SRRM1: variants seen among roughly 807,000 people sequenced by gnomAD.
The protein encoded by SRRM1 is serine and arginine repetitive matrix 1.
Under a neutral mutation model 110.2 loss-of-function variants are expected in SRRM1, and 19 were observed. That is an observed-to-expected ratio of 0.17 (90% CI 0.12 to 0.25). The LOEUF (loss-of-function observed/expected upper bound fraction) is 0.25, where lower values mean the gene tolerates loss of function less well. SRRM1 is among the 10% of genes least tolerant of loss of function. The pLI is 1.00. For missense variants in SRRM1, 918 were observed against 1,145.8 expected, an observed-to-expected ratio of 0.80 and a Z score of 2.87; for synonymous variants, 443 against 414.9, an observed-to-expected ratio of 1.07 and a Z score of -0.82.
intron 15 of SRRM1, 52 bp from the exon 16 acceptor site, chr1:24,671,334 A>C: frequency 1.3e-6 from 2 of 1,488,210 alleles, no homozygotes; most frequent in South Asian, 2.5e-5. Context: ...GTTGGACAGA[A>C]TATTAATCAG....
chr1:24,663,129 T>G, intron 12 of SRRM1: 1 of 1,454,104 alleles, frequency 6.9e-7, no homozygotes, highest in Non-Finnish European at 9.3e-7. Context: ...TCCACCCAAG[T>G]AAATAATTTA....
At chr1:24,663,041 A>C in intron 12 of SRRM1, 1 of 968,740 alleles carries the variant, frequency 1.0e-6, no homozygotes, top group Middle Eastern at 2.5e-4. Context: ...CATGATTAGA[A>C]AAATAAACCA....
At chr1:24,656,110 C>G (rs907384910) in intron 9 of SRRM1, among the ~76,000 whole-genome samples, 1 of 152,072 alleles carries the variant, frequency 6.6e-6, no homozygotes, top group Non-Finnish European at 1.5e-5. Context: ...AGGTTAGAAA[C>G]AAAGAAATGG....
intron 1 of SRRM1, among the ~76,000 whole-genome samples, chr1:24,644,226 C>T (rs1386477088): frequency 6.6e-6 from 1 of 152,156 alleles, no homozygotes; most frequent in Non-Finnish European, 1.5e-5. Context: ...CACACTTTAT[C>T]AGGCTCGTGC....
chr1:24,668,033 C>G (rs1449563995), intron 13 of SRRM1, among the ~76,000 whole-genome samples: 3 of 128,188 alleles, frequency 2.3e-5, no homozygotes, highest in Non-Finnish European at 4.6e-5. Flanking sequence ...AGTGCAGTGG[C>G]CGATCTCAGC....
chr1:24,662,912 T>A, intron 12 of SRRM1, 108 bp downstream of exon 12: 2 of 1,445,332 alleles, frequency 1.4e-6, no homozygotes, highest in East Asian at 4.6e-5. Flanking sequence ...TATTTGGATG[T>A]GGTTGGATTT....
Position 24,669,356 on chromosome 1 carries a change from C to G in SRRM1, c.1973C>G (p.Ser658Cys). 1 of 1,614,182 alleles carries G rather than the reference C, an allele frequency of 6.2e-7. No homozygotes were observed. The highest frequency in any genetic ancestry group is 8.5e-7 in the Non-Finnish European group (1 of 1,180,042). ...VTKRRSPSLS[S>C]KHRKGSSPSR... ...AAGAGACGTTCACCTTCATTATCAT[C>G]CAAGCATAGGAAAGGGTCTTCCCCA... The change falls in exon 14 of 17, where the codon TCC becomes TGC. Residue 658 changes from serine to cysteine, a missense_variant. Transcript: ENST00000323848.
intron 15 of SRRM1, among the ~76,000 whole-genome samples, chr1:24,671,010 A>AT (rs1272752661): frequency 6.6e-6 from 1 of 152,226 alleles, no homozygotes; most frequent in Non-Finnish European, 1.5e-5. Context: ...GGTACCATTT[A>AT]TTAAAAGTCT....
Position 24,652,493 on chromosome 1 carries a change from A to C in SRRM1, c.785A>C (p.Glu262Ala). 1.2e-6 allele frequency: 2 copies of C among 1,611,316 alleles called. No individual in the cohort carries two copies. Among genetic ancestry groups the C allele is most frequent in the Non-Finnish European group, 1.7e-6 (2 of 1,178,816 alleles). ...CCAGAGCCTAAAGAACCTTCTCCGG[A>C]AAAAAATTCCAAAAAAGAAAAGGAG... ...PIPEPKEPSP[E>A]KNSKKEKEKE... The change falls in exon 7 of 17, where the codon GAA (glutamate) becomes GCA (alanine). Residue 262 changes from glutamate to alanine, a missense_variant. By Grantham distance (107) the Glu-to-Ala change is moderately radical (BLOSUM62 -1). Transcript: ENST00000323848.
chr1:24,653,592 T>C (rs961854755), intron 8 of SRRM1, among the ~76,000 whole-genome samples: 1 of 152,210 alleles, frequency 6.6e-6, no homozygotes, highest in African/African-American at 2.4e-5. Flanking sequence ...ATTACTAGTT[T>C]AGTGTCTGGT....
At chr1:24,670,094 C>G in intron 14 of SRRM1, 26 bp from the exon 15 acceptor site, 1 of 1,532,338 alleles carries the variant, frequency 6.5e-7, no homozygotes, top group Non-Finnish European at 8.8e-7. Flanking sequence ...GTTCTCAATG[C>G]TGAATGTTTT....
In SRRM1 at chr1:24,655,011, C is replaced by G. The variant is rs1663186664; in HGVS notation, c.1197C>G (p.His399Gln). ...CAGCAAGTCCTCCAAGGCGAAGGCACAGGCCATCACCTCCTGCAACTCCAC... is the reference window on the plus strand; with the variant it reads ...CAGCAAGTCCTCCAAGGCGAAGGCAGAGGCCATCACCTCCTGCAACTCCAC... ...SPSASPPRRR[H>Q]RPSPPATPPP... The change falls in exon 9 of 17, where the codon CAC becomes CAG. Residue 399 changes from histidine (H) to glutamine (Q), a missense_variant. His to Gln is a conservative substitution (Grantham distance 24). Coordinates refer to ENST00000323848, the MANE Select transcript of SRRM1 (RefSeq NM_005839.4). The G allele has an allele frequency of 1.2e-6, 2 of 1,614,232 alleles. No individual in the cohort carries two copies. The highest frequency in any genetic ancestry group is 1.7e-6 in the Non-Finnish European group (2 of 1,180,038).
At chr1:24,654,389 T>A in intron 8 of SRRM1, 1 of 1,272,814 alleles carries the variant, frequency 7.9e-7, no homozygotes, top group Non-Finnish European at 1.0e-6. Context: ...TGCCGCAGAA[T>A]TCGAGAGGCC....
At chr1:24,671,982 A>G (rs947667211) in intron 16 of SRRM1, among the ~76,000 whole-genome samples, 200 bp from the exon 17 acceptor site, 4 of 151,612 alleles carry the variant, frequency 2.6e-5, no homozygotes, top group African/African-American at 9.7e-5. Context: ...CAGGTTTGTT[A>G]CATATGTATA....
chr1:24,648,819 T>A (rs1198943227), intron 3 of SRRM1, 40 bp from the exon 4 acceptor site: 1 of 1,595,622 alleles, frequency 6.3e-7, no homozygotes, highest in Non-Finnish European at 8.5e-7. Context: ...TGGTTGGTTT[T>A]GAAGTAACCT....
chr1:24,643,398 G>T (rs369890561), intron 1 of SRRM1, 51 bp downstream of exon 1: 21 of 1,503,584 alleles, frequency 1.4e-5, no homozygotes, highest in African/African-American at 2.9e-5. Context: ...TCTCGGTAAG[G>T]CCTGGTAGGA....
intron 1 of SRRM1, 153 bp downstream of exon 1, chr1:24,643,500 C>A: frequency 3.4e-6 from 2 of 593,654 alleles, no homozygotes; most frequent in Non-Finnish European, 5.3e-6. Context: ...CCCCCCCGTG[C>A]GCTGCGGCGG....
chr1:24,643,660 T>G, intron 1 of SRRM1: 1 of 367,444 alleles, frequency 2.7e-6, no homozygotes, highest in Non-Finnish European at 4.9e-6. Context: ...GCGCCGTGCG[T>G]GCCGCCGGGT....
At position 24,670,122 on chromosome 1, in the gene SRRM1, C is replaced by T. The variant is rs1291890418; in HGVS notation, c.2207C>T (p.Ala736Val). ...AATGTTTTTTCCTTTTTGTCTAGGG[C>T]TGCTTCCCCAAGCCCACAGTCTGTA... is the stretch of plus-strand genomic sequence containing the variant. ...RTPEPKKIKKAASPSPQSVRR... is the reference protein window; with the variant it reads ...RTPEPKKIKKVASPSPQSVRR... Residue 736 changes from alanine to valine, a missense_variant and splice_region_variant, in exon 15 of 17, where the codon GCT (alanine) becomes GTT (valine). This residue lies in a region of SRRM1 where 357 missense variants were observed against 402.9 expected (regional missense o/e 0.89). Coordinates refer to ENST00000323848, the MANE Select transcript of SRRM1 (RefSeq NM_005839.4). 4 of 1,566,736 alleles carry T rather than the reference C, an allele frequency of 2.6e-6. No individual in the cohort carries two copies.
Sources: allele counts gnomAD v4.1 joint callset (sites outside exome capture counted in the v4.1 genomes callset), GRCh38; gene constraint gnomAD v4.1.1; regional missense constraint gnomAD v4.1.1; transcripts MANE v1.5; gene names NCBI Gene and HGNC (gene_info 2026-07-23, HGNC 2026-07-21).